The following HHAT variants were observed in gnomAD, a reference collection of about 807,000 sequenced individuals.
The protein encoded by HHAT is protein-cysteine N-palmitoyltransferase HHAT.
In HHAT, 47 loss-of-function variants were observed where a neutral mutation model predicts 70.8. The ratio of observed to expected loss-of-function variants is 0.66; its 90% CI spans 0.53 to 0.85. The LOEUF (loss-of-function observed/expected upper bound fraction) is 0.85. HHAT is among the 40% of genes least tolerant of loss of function. HHAT has a pLI of 0.00. For synonymous variants in HHAT, 228 were observed against 247.6 expected, an observed-to-expected ratio of 0.92 and a Z score of 0.74; for missense variants, 609 against 604.8, an observed-to-expected ratio of 1.01 and a Z score of -0.07.
chr1:210,445,518 G>A (rs2093617666), intron 7 of HHAT, among the ~76,000 whole-genome samples: 1 of 152,006 alleles, frequency 6.6e-6, no homozygotes, highest in Admixed American at 6.6e-5. Flanking sequence ...CTCTGTTGTT[G>A]ATTATTTAAA....
chr1:210,617,598 A>G (rs1163584390), intron 10 of HHAT, among the ~76,000 whole-genome samples: 1 of 152,234 alleles, frequency 6.6e-6, no homozygotes. Context: ...AGACAGAGCC[A>G]GTTGTTTCCT....
At chr1:210,540,523 G>C (rs977620522) in intron 9 of HHAT, among the ~76,000 whole-genome samples, 1 of 147,392 alleles carries the variant, frequency 6.8e-6, no homozygotes, top group African/African-American at 2.5e-5. Context: ...ACAAACACAC[G>C]CTCTCTCTCT....
chr1:210,612,628 C>G (rs10779541), intron 10 of HHAT, among the ~76,000 whole-genome samples: 1 of 151,984 alleles, frequency 6.6e-6, no homozygotes, highest in Non-Finnish European at 1.5e-5. Context: ...AAATATATGT[C>G]TGAGTCCCTT....
At chr1:210,454,889 G>A (rs962012244) in intron 7 of HHAT, among the ~76,000 whole-genome samples, 5 of 152,178 alleles carry the variant, frequency 3.3e-5, no homozygotes, top group Admixed American at 2.0e-4. Flanking sequence ...TCTCTCTTGG[G>A]TTTCCAAGTT....
At chr1:210,619,988 T>C (rs1668517802) in intron 10 of HHAT, among the ~76,000 whole-genome samples, 1 of 152,214 alleles carries the variant, frequency 6.6e-6, no homozygotes, top group Admixed American at 6.5e-5. Flanking sequence ...TTCTTCAACA[T>C]GAATTCTCTT....
At chr1:210,338,329 G>A (rs1159749167) in intron 1 of HHAT, among the ~76,000 whole-genome samples, 1 of 152,190 alleles carries the variant, frequency 6.6e-6, no homozygotes, top group Non-Finnish European at 1.5e-5. Context: ...AACAGAGAGT[G>A]AGACCTTGTT....
chr1:210,472,420 G>C (rs1031583838), intron 8 of HHAT, among the ~76,000 whole-genome samples: 4 of 152,160 alleles, frequency 2.6e-5, no homozygotes, highest in Non-Finnish European at 5.9e-5. Context: ...TTGAGTCTGT[G>C]CTCTTGATCA....
intron 7 of HHAT, among the ~76,000 whole-genome samples, chr1:210,449,677 T>C (rs3765840): frequency 0.81 from 123,406 of 152,140 alleles, 50,267 homozygotes; most frequent in African/African-American, 0.86. Flanking sequence ...CCTAAACTGT[T>C]ACTAATTTTG....
intron 9 of HHAT, among the ~76,000 whole-genome samples, chr1:210,532,176 G>T (rs2095321936): frequency 6.6e-6 from 1 of 152,174 alleles, no homozygotes; most frequent in Non-Finnish European, 1.5e-5. Context: ...CTATTACAGT[G>T]AAATCCATTT....
At chr1:210,463,006 A>C (rs1361803687) in intron 7 of HHAT, 1 of 152,234 alleles carries the variant, frequency 6.6e-6, no homozygotes, top group East Asian at 1.9e-4. Flanking sequence ...TTGAGGTGAG[A>C]GAGCATGTGG....
intron 3 of HHAT, among the ~76,000 whole-genome samples, chr1:210,370,163 CTTTTTTTTTTTT>C (rs200442278): frequency 0.023 from 2,876 of 122,406 alleles, 124 homozygotes; most frequent in African/African-American, 0.089. Flanking sequence ...TCTTCAATGA[CTTTTTTTTTTTT>C]TTTTTTTTTT....
At chr1:210,363,646 G>A (rs2088598805) in intron 3 of HHAT, among the ~76,000 whole-genome samples, 1 of 152,118 alleles carries the variant, frequency 6.6e-6, no homozygotes, top group Non-Finnish European at 1.5e-5. Flanking sequence ...CTATGACTTG[G>A]ACTGTAGGGG....
chr1:210,524,992 G>A (rs1224954449), intron 9 of HHAT, among the ~76,000 whole-genome samples: 1 of 152,098 alleles, frequency 6.6e-6, no homozygotes, highest in Non-Finnish European at 1.5e-5. Context: ...GGGCAGCTGA[G>A]TGGAGTTGGG....
At chr1:210,527,783 C>T (rs2095269053) in intron 9 of HHAT, among the ~76,000 whole-genome samples, 1 of 152,194 alleles carries the variant, frequency 6.6e-6, no homozygotes, top group African/African-American at 2.4e-5. Flanking sequence ...CCCAGGCCAT[C>T]TCTAGTGTGT....
At chr1:210,415,751 C>T (rs926361177) in intron 6 of HHAT, among the ~76,000 whole-genome samples, 20 of 151,922 alleles carry the variant, frequency 1.3e-4, no homozygotes, top group African/African-American at 4.6e-4. Context: ...TTCTGCCTCC[C>T]GGGTTAAAAT....
At chr1:210,393,965 G>A (rs942700060) in intron 4 of HHAT, among the ~76,000 whole-genome samples, 11 of 152,142 alleles carry the variant, frequency 7.2e-5, no homozygotes, top group South Asian at 2.1e-4. Context: ...GCCTTAATTC[G>A]GGTAGTTGTT....
intron 7 of HHAT, 82 bp from the exon 8 acceptor site, chr1:210,464,423 C>A: frequency 7.1e-7 from 1 of 1,409,590 alleles, no homozygotes; most frequent in African/African-American, 1.4e-5. Context: ...GGGCAGTTGG[C>A]ATAGCTCCTG....
intron 11 of HHAT, among the ~76,000 whole-genome samples, chr1:210,656,560 G>A (rs1342612634): frequency 2.0e-5 from 3 of 152,190 alleles, no homozygotes; most frequent in Non-Finnish European, 4.4e-5. Context: ...GGGGAAGTGG[G>A]TCACGCCAGG....
chr1:210,503,761 C>T (rs1388906993), intron 8 of HHAT, among the ~76,000 whole-genome samples: 4 of 151,594 alleles, frequency 2.6e-5, no homozygotes, highest in African/African-American at 9.7e-5. Flanking sequence ...GAAGCTACTC[C>T]TCAAAGTTGC....
Sources: gnomAD v4.1 joint callset for allele counts (sites outside exome capture counted in the v4.1 genomes callset) on GRCh38, gnomAD v4.1.1 for gene constraint, MANE v1.5 for transcripts, NCBI Gene and HGNC (gene_info 2026-07-23, HGNC 2026-07-21) for gene names.